MCM9: variants seen among roughly 807,000 people sequenced by gnomAD.
MCM9 encodes the protein DNA helicase MCM9.
In MCM9, 55 loss-of-function variants were observed where a neutral mutation model predicts 72.8. That is an observed-to-expected ratio of 0.76 (90% CI 0.61 to 0.95). The LOEUF is 0.95. Ranked by LOEUF, MCM9 falls within the 40% of genes least tolerant of loss-of-function variation. The pLI, the probability that MCM9 is intolerant of heterozygous loss-of-function variation, is 0.00. For synonymous variants in MCM9, 480 were observed against 503.4 expected (o/e 0.95, Z 0.62); for missense variants, 1,279 against 1,377.0 (o/e 0.93, Z 1.13).
chr6:118,918,390 G>A (rs1001863201), intron 5 of MCM9: 1 of 152,352 alleles, frequency 6.6e-6, no homozygotes, highest in Non-Finnish European at 1.5e-5. Flanking sequence ...ATACAATCCT[G>A]CTTGTTCCTT....
At chr6:118,843,655 T>TATATATACACGTATATATATATATATAA (rs1491542240) in intron 9 of MCM9, among the ~76,000 whole-genome samples, 1 of 38,616 alleles carries the variant, frequency 2.6e-5, no homozygotes. Context: ...TATATATATA[T>TATATATACACGTATATATATATATATAA]GTGTATATAT....
chr6:118,905,762 T>C (rs764534427), intron 8 of MCM9: 2 of 1,613,332 alleles, frequency 1.2e-6, no homozygotes, highest in Non-Finnish European at 1.7e-6. Context: ...TTGGCTATTA[T>C]GTAAATAATG....
At chr6:118,860,904 C>T (rs1776858320) in intron 8 of MCM9, among the ~76,000 whole-genome samples, 1 of 152,166 alleles carries the variant, frequency 6.6e-6, no homozygotes, top group Admixed American at 6.5e-5. Context: ...TGTCGCTTTG[C>T]CAGCTGGAAA....
chr6:118,912,455 C>A (rs1218982699), intron 7 of MCM9: 8 of 152,180 alleles, frequency 5.3e-5, no homozygotes, highest in Admixed American at 5.2e-4. Flanking sequence ...CATATGATTT[C>A]ACTGACCAAG....
intron 8 of MCM9, among the ~76,000 whole-genome samples, chr6:118,863,062 CA>C (rs1030126583): frequency 1.3e-5 from 2 of 151,440 alleles, no homozygotes; most frequent in East Asian, 1.9e-4. Flanking sequence ...GAGCATTAGA[CA>C]AAAAAAACCT....
intron 8 of MCM9, among the ~76,000 whole-genome samples, chr6:118,882,738 C>G (rs897328225): frequency 2.0e-4 from 31 of 152,132 alleles, no homozygotes; most frequent in Non-Finnish European, 4.3e-4. Flanking sequence ...AGGCTGTTGC[C>G]TCTGAGGAGT....
At chr6:118,913,242 C>G (rs1000411170) in intron 7 of MCM9, 53 bp downstream of exon 7, 18 of 1,593,634 alleles carry the variant, frequency 1.1e-5, no homozygotes, top group Middle Eastern at 3.3e-4. Context: ...AGAAAAAGTT[C>G]TAGCTTCCAT....
intron 12 of MCM9, 88 bp downstream of exon 12, chr6:118,826,693 TA>T: frequency 3.3e-6 from 3 of 912,476 alleles, no homozygotes. Context: ...AGCATTTTAA[TA>T]ACTTTTGATA....
intron 8 of MCM9, among the ~76,000 whole-genome samples, chr6:118,889,987 A>C (rs1282425347): frequency 6.6e-6 from 1 of 152,182 alleles, no homozygotes; most frequent in Non-Finnish European, 1.5e-5. Flanking sequence ...AAACCTTATA[A>C]AAAGTATAAG....
intron 9 of MCM9, among the ~76,000 whole-genome samples, chr6:118,834,007 CTAA>C (rs1453104934): frequency 6.6e-6 from 1 of 152,138 alleles, no homozygotes; most frequent in Non-Finnish European, 1.5e-5. Context: ...GGTATTTCTC[CTAA>C]TGTTATCCCT....
chr6:118,889,529 G>C (rs1022306286), intron 8 of MCM9, among the ~76,000 whole-genome samples: 2 of 152,126 alleles, frequency 1.3e-5, no homozygotes, highest in African/African-American at 4.8e-5. Flanking sequence ...AGCAGTAGAG[G>C]GTTAGAGAGA....
intron 8 of MCM9, among the ~76,000 whole-genome samples, chr6:118,892,668 C>T (rs1371572461): frequency 6.6e-6 from 1 of 152,194 alleles, no homozygotes; most frequent in Non-Finnish European, 1.5e-5. Flanking sequence ...TGTTGTTTAT[C>T]AGCCACAAAA....
At chr6:118,856,762 T>C (rs1455642940) in intron 8 of MCM9, among the ~76,000 whole-genome samples, 1 of 152,068 alleles carries the variant, frequency 6.6e-6, no homozygotes, top group African/African-American at 2.4e-5. Flanking sequence ...GCACCTGTAA[T>C]TTCAGCTACT....
At chr6:118,895,473 C>T (rs1469190753) in intron 8 of MCM9, among the ~76,000 whole-genome samples, 2 of 152,170 alleles carry the variant, frequency 1.3e-5, no homozygotes, top group African/African-American at 4.8e-5. Flanking sequence ...TTCTTCAAGA[C>T]CGTGTTGAAA....
intron 3 of MCM9, among the ~76,000 whole-genome samples, chr6:118,928,611 G>A (rs1782101607): frequency 6.6e-6 from 1 of 151,824 alleles, no homozygotes; most frequent in African/African-American, 2.4e-5. Flanking sequence ...ACTTTGGGAG[G>A]CTGAAGCAGA....
chr6:118,853,396 A>C (rs1360446843), intron 9 of MCM9, among the ~76,000 whole-genome samples: 1 of 152,068 alleles, frequency 6.6e-6, no homozygotes, highest in African/African-American at 2.4e-5. Context: ...GTGCTTTTCT[A>C]TATAAACTTT....
intron 8 of MCM9, among the ~76,000 whole-genome samples, chr6:118,881,402 C>T (rs1778277216): frequency 1.3e-5 from 2 of 152,130 alleles, no homozygotes; most frequent in Admixed American, 6.5e-5. Context: ...AAAAACAGCA[C>T]TCATCTTCCT....
At chr6:118,907,744 T>A (rs1393513642) in intron 8 of MCM9, 3 of 684,016 alleles carry the variant, frequency 4.4e-6, no homozygotes, top group Non-Finnish European at 7.2e-6. Context: ...AGAAAGTTTA[T>A]AAGAAAACCA....
At chr6:118,863,907 AAAAC>A (rs534447627) in intron 8 of MCM9, among the ~76,000 whole-genome samples, 128 of 152,200 alleles carry the variant, frequency 8.4e-4, no homozygotes, top group Non-Finnish European at 1.6e-3. Context: ...ATAACAACAG[AAAAC>A]AAACTAACTA....
Sources: gnomAD v4.1 joint callset for allele counts (sites outside exome capture counted in the v4.1 genomes callset) on GRCh38, gnomAD v4.1.1 for gene constraint, MANE v1.5 for transcripts, NCBI Gene and HGNC (gene_info 2026-07-23, HGNC 2026-07-21) for gene names.